Variants in KCNJ12 observed in about 807,000 individuals in gnomAD.
KCNJ12 encodes ATP-sensitive inward rectifier potassium channel 12.
Under a neutral mutation model 22.3 loss-of-function variants are expected in KCNJ12, and 2 were observed. That is an observed-to-expected ratio of 0.09 (90% CI 0.04 to 0.28). The LOEUF is 0.28. Among genes scored for constraint, KCNJ12 ranks in the 10% least tolerant of loss-of-function variants. The pLI, the probability that KCNJ12 is intolerant of heterozygous loss-of-function variation, is 1.00. For missense variants in KCNJ12, 155 were observed against 633.3 expected, an observed-to-expected ratio of 0.24 and a Z score of 8.11; for synonymous variants, 117 against 261.4, an observed-to-expected ratio of 0.45 and a Z score of 5.33.
intron 1 of KCNJ12, among the ~76,000 whole-genome samples, chr17:21,404,733 G>A (rs2142065755): frequency 6.6e-6 from 1 of 152,370 alleles, no homozygotes; most frequent in East Asian, 1.9e-4. Flanking sequence ...TCTCCCAGGG[G>A]CCTGGGGCCA....
intron 1 of KCNJ12, among the ~76,000 whole-genome samples, chr17:21,408,232 T>C (rs1316932604): frequency 1.3e-5 from 2 of 152,296 alleles, no homozygotes; most frequent in African/African-American, 4.8e-5. Flanking sequence ...AGATGATGTA[T>C]GTAAAATGCC....
At chr17:21,385,606 G>A (rs989728269) in intron 1 of KCNJ12, among the ~76,000 whole-genome samples, 2 of 152,174 alleles carry the variant, frequency 1.3e-5, no homozygotes, top group African/African-American at 4.8e-5. Context: ...GAGTGGCCCC[G>A]GCCCTCCCTG....
chr17:21,386,717 A>G (rs1329735092), intron 1 of KCNJ12, among the ~76,000 whole-genome samples: 2 of 152,102 alleles, frequency 1.3e-5, no homozygotes, highest in African/African-American at 2.4e-5. Flanking sequence ...CATGCTGGCC[A>G]GGATAGTCTC....
In KCNJ12 at chr17:21,416,623, C is replaced by T. The variant is rs781808526; in HGVS notation, c.1281C>T (p.Tyr427=). The stretch of plus-strand genomic sequence containing the variant: ...GCGGGGTCCTGGAGCAGCGGCCCTA[C>T]AGACGGGAGTCAGAGATCTGAGCCA... ...AGGGVLEQRP[Y]RRESEI Residue 427 remains tyrosine (Y), a synonymous_variant, in exon 3 of 3, where the codon TAC becomes TAT. Coordinates refer to ENST00000583088, the MANE Select transcript of KCNJ12 (RefSeq NM_021012.5). 2.2e-5 allele frequency: 36 copies of T among 1,606,008 alleles called. No homozygotes were observed. The African/African-American group carries it at 3.9e-4, about 17-fold the overall frequency.
chr17:21,393,140 A>C (rs1281540821), intron 1 of KCNJ12, among the ~76,000 whole-genome samples: 1 of 151,522 alleles, frequency 6.6e-6, no homozygotes, highest in Non-Finnish European at 1.5e-5. Context: ...CCCCTACTGG[A>C]AAGGACGTTT....
intron 2 of KCNJ12, among the ~76,000 whole-genome samples, chr17:21,411,716 C>T (rs1906359647): frequency 6.6e-6 from 1 of 152,298 alleles, no homozygotes; most frequent in Admixed American, 6.5e-5. Context: ...AAAACAGTTT[C>T]TCTGATTTCA....
intron 1 of KCNJ12, among the ~76,000 whole-genome samples, chr17:21,385,526 G>A (rs11871292): frequency 0.56 from 84,540 of 152,090 alleles, 23,999 homozygotes; most frequent in African/African-American, 0.66. Context: ...CAGTCAGAGC[G>A]GCCAGGTCCC....
intron 1 of KCNJ12, among the ~76,000 whole-genome samples, chr17:21,396,952 C>T (rs1905387629): frequency 6.6e-6 from 1 of 152,184 alleles, no homozygotes; most frequent in Non-Finnish European, 1.5e-5. Flanking sequence ...CAGATTGGAG[C>T]ACACTGTCCA....
At chr17:21,391,490 G>A (rs1905209170) in intron 1 of KCNJ12, among the ~76,000 whole-genome samples, 1 of 152,210 alleles carries the variant, frequency 6.6e-6, no homozygotes, top group Non-Finnish European at 1.5e-5. Flanking sequence ...GCCATCCCCT[G>A]TGATGCTTTG....
intron 1 of KCNJ12, among the ~76,000 whole-genome samples, chr17:21,398,794 T>C (rs1905470704): frequency 6.6e-6 from 1 of 152,236 alleles, no homozygotes; most frequent in Non-Finnish European, 1.5e-5. Context: ...CAAAGATGCG[T>C]TTACAGAGCT....
intron 2 of KCNJ12, among the ~76,000 whole-genome samples, chr17:21,410,948 C>T (rs1247887323): frequency 1.3e-5 from 2 of 152,310 alleles, no homozygotes; most frequent in Non-Finnish European, 2.9e-5. Context: ...ATACTGAGTG[C>T]TGTGTTCGTG....
At chr17:21,414,240 C>G (rs1271886761) in intron 2 of KCNJ12, among the ~76,000 whole-genome samples, 1 of 152,256 alleles carries the variant, frequency 6.6e-6, no homozygotes, top group African/African-American at 2.4e-5. Context: ...TTCAGGAGGC[C>G]GAGGCAGGTG....
At chr17:21,389,289 G>A (rs1452752761) in intron 1 of KCNJ12, among the ~76,000 whole-genome samples, 3 of 152,210 alleles carry the variant, frequency 2.0e-5, no homozygotes, top group Non-Finnish European at 2.9e-5. Context: ...CTTGCCCCTA[G>A]ACCAAGCTAA....
At chr17:21,392,397 C>T (rs1905231618) in intron 1 of KCNJ12, among the ~76,000 whole-genome samples, 1 of 152,256 alleles carries the variant, frequency 6.6e-6, no homozygotes. Context: ...GCCACCGCAG[C>T]AAGGAGCAAA....
chr17:21,393,528 C>T (rs1905259902), intron 1 of KCNJ12, among the ~76,000 whole-genome samples: 1 of 152,210 alleles, frequency 6.6e-6, no homozygotes, highest in Non-Finnish European at 1.5e-5. Context: ...CCAGCTAACC[C>T]TGTAATGCCC....
chr17:21,385,417 C>T (rs1905040702), intron 1 of KCNJ12, among the ~76,000 whole-genome samples: 1 of 152,240 alleles, frequency 6.6e-6, no homozygotes, highest in Non-Finnish European at 1.5e-5. Flanking sequence ...GACAGGGCAG[C>T]TTCCTGGCCT....
chr17:21,415,078 G>A (rs1254717377), intron 2 of KCNJ12, among the ~76,000 whole-genome samples: 167 of 152,098 alleles, frequency 1.1e-3, no homozygotes, highest in African/African-American at 3.7e-3. Context: ...GTGGAGCTGA[G>A]GTTTTTGGCT....
intron 1 of KCNJ12, among the ~76,000 whole-genome samples, chr17:21,390,576 G>A (rs1905186049): frequency 6.6e-6 from 1 of 152,236 alleles, no homozygotes; most frequent in Non-Finnish European, 1.5e-5. Flanking sequence ...GGGAGGGGGA[G>A]CAATTGCAGG....
At chr17:21,405,996 G>A (rs1310091154) in intron 1 of KCNJ12, among the ~76,000 whole-genome samples, 1 of 152,294 alleles carries the variant, frequency 6.6e-6, no homozygotes, top group Admixed American at 6.5e-5. Context: ...CCAGGTAGTA[G>A]GGAGTGAGGG....
Sources: gnomAD v4.1 joint callset for allele counts (sites outside exome capture counted in the v4.1 genomes callset) on GRCh38, gnomAD v4.1.1 for gene constraint, MANE v1.5 for transcripts, NCBI Gene and HGNC (gene_info 2026-07-23, HGNC 2026-07-21) for gene names.